Variants in SCN8A observed in about 807,000 individuals in gnomAD.
SCN8A encodes sodium channel protein type 8 subunit alpha.
A neutral mutation model predicts 184.1 loss-of-function variants in SCN8A; 30 were observed. The observed-to-expected ratio is 0.16, with a 90% CI of 0.12 to 0.22. The LOEUF (loss-of-function observed/expected upper bound fraction) is 0.22, where lower values mean the gene tolerates loss of function less well. SCN8A is among the 10% of genes least tolerant of loss of function. The pLI is 1.00. For missense variants in SCN8A, 1,057 were observed against 2,498.9 expected (o/e 0.42, Z 12.30); for synonymous variants, 852 against 907.0 (o/e 0.94, Z 1.09).
chr12:51,683,025 T>C (rs1941362081), intron 2 of SCN8A, among the ~76,000 whole-genome samples: 1 of 152,216 alleles, frequency 6.6e-6, no homozygotes, highest in Non-Finnish European at 1.5e-5. Context: ...TTCCAAATAT[T>C]AGTTACCTTC....
intron 6 of SCN8A, among the ~76,000 whole-genome samples, chr12:51,690,526 A>G (rs1941489130): frequency 6.6e-6 from 1 of 151,826 alleles, no homozygotes; most frequent in South Asian, 2.1e-4. Flanking sequence ...CTCATTTTTA[A>G]AAAAAAATTT....
intron 12 of SCN8A, among the ~76,000 whole-genome samples, chr12:51,727,768 A>T (rs2138793833): frequency 6.6e-6 from 1 of 152,084 alleles, no homozygotes; most frequent in Non-Finnish European, 1.5e-5. Context: ...TTTGAGACCA[A>T]CCTGACCAAC....
chr12:51,774,359 G>T lies in SCN8A; in HGVS notation c.3816G>T (p.Val1272=), dbSNP rs779722195. 1.2e-6 allele frequency: 2 copies of T among 1,603,340 alleles called. No individual in the cohort carries two copies. The highest frequency in any genetic ancestry group is 4.5e-5 in the East Asian group (2 of 44,640). The change falls in exon 20 of 27, where the codon GTG becomes GTT. Residue 1272 remains valine, a synonymous_variant. Transcript: ENST00000627620. ...GGTGTTGGCTGGACTTCCTCATTGT[G>T]GCTGTAGGTGTCTTGCTTTCTGTTT... ...NAWCWLDFLI[V]AVSLVSLIAN...
Position 51,700,150 on chromosome 12 carries a change from A to G in SCN8A, c.928+359A>G, listed in dbSNP as rs942255895. On this transcript the variant is annotated intron_variant, in intron 7 of 26. Coordinates refer to ENST00000627620, the MANE Select transcript of SCN8A (RefSeq NM_001330260.2). ...CATTGTACTCCAGCCTGGGTGGGCA[A>G]CAAGAACAAAACTCCATCTCAAAAA... Among the ~76,000 whole-genome samples, 12 of 151,316 alleles carry G rather than the reference A, an allele frequency of 7.9e-5. No homozygotes were observed. The East Asian group carries it at 1.4e-3, about 17-fold the overall frequency.
chr12:51,749,794 T>C (rs1258133723), intron 13 of SCN8A, among the ~76,000 whole-genome samples: 1 of 152,144 alleles, frequency 6.6e-6, no homozygotes, highest in Non-Finnish European at 1.5e-5. Flanking sequence ...AAGGCAGCCA[T>C]CTTGGTTTTG....
intron 24 of SCN8A, 134 bp from the exon 25 acceptor site, chr12:51,790,264 C>T (rs188579010): frequency 1.1e-4 from 62 of 570,552 alleles, no homozygotes; most frequent in African/African-American, 1.1e-3. Context: ...GGGTCTACCC[C>T]ACTCTGGGAC....
At chr12:51,712,846 C>T (rs956920528) in intron 11 of SCN8A, 22 of 1,338,730 alleles carry the variant, frequency 1.6e-5, no homozygotes, top group Middle Eastern at 1.8e-4. Context: ...TCTGCTGCCA[C>T]CACCTCCACC....
Position 51,780,686 on chromosome 12 carries a change from A to G in SCN8A, c.3857A>G (p.Tyr1286Cys). The G allele has an allele frequency of 6.3e-7, 1 of 1,589,480 alleles. No individual in the cohort carries two copies. Among genetic ancestry groups the G allele is most frequent in the Non-Finnish European group, 8.5e-7 (1 of 1,170,400 alleles). Residue 1286 changes from tyrosine (Y) to cysteine (C), a missense_variant, in exon 21 of 27, where the codon TAC becomes TGC. Transcript: ENST00000627620. ...AGCCTTATAGCTAATGCCCTGGGCTACTCGGAACTAGGTGCCATAAAGTCC... is the reference window on the plus strand; with the variant it reads ...AGCCTTATAGCTAATGCCCTGGGCTGCTCGGAACTAGGTGCCATAAAGTCC... ...LVSLIANALG[Y>C]SELGAIKSLR...
chr12:51,782,903 A>G (rs889721746), intron 21 of SCN8A, among the ~76,000 whole-genome samples: 4 of 152,276 alleles, frequency 2.6e-5, no homozygotes, highest in Admixed American at 2.0e-4. Context: ...GAGGTCCCGA[A>G]TGAATAATCA....
In SCN8A at chr12:51,714,018, G is replaced by A. The variant is rs903298422; in HGVS notation, c.1635+7303G>A. Reference sequence around the variant, plus strand: ...ACATTTCTGCAAATCTCTTTAATCTGTAATGTAATAGAAAACAGTTGAAAT... The same window carrying A: ...ACATTTCTGCAAATCTCTTTAATCTATAATGTAATAGAAAACAGTTGAAAT... On this transcript the variant is annotated intron_variant, in intron 11 of 26. Transcript: ENST00000627620. Among the ~76,000 whole-genome samples, 54 of 150,750 alleles carry A rather than the reference G, an allele frequency of 3.6e-4. 1 individual carries two copies. Among genetic ancestry groups the A allele is most frequent in the African/African-American group, 1.3e-3 (54 of 41,006 alleles).
chr12:51,687,674 G>T (rs149410752), intron 5 of SCN8A, among the ~76,000 whole-genome samples: 32 of 152,260 alleles, frequency 2.1e-4, no homozygotes, highest in African/African-American at 7.5e-4. Context: ...ACATTTTAGA[G>T]TCAAAACATG....
At chr12:51,742,993 G>A (rs2138823199) in intron 12 of SCN8A, among the ~76,000 whole-genome samples, 1 of 152,160 alleles carries the variant, frequency 6.6e-6, no homozygotes, top group South Asian at 2.1e-4. Flanking sequence ...CTTATTAAGA[G>A]ACTCTAATGC....
At chr12:51,593,798 ACT>A (rs373283269) in intron 1 of SCN8A, among the ~76,000 whole-genome samples, 277 of 151,820 alleles carry the variant, frequency 1.8e-3, no homozygotes, top group African/African-American at 6.2e-3. Flanking sequence ...CTCCCACATA[ACT>A]CTTCATTTTG....
chr12:51,714,007 C>G lies in SCN8A; in HGVS notation c.1635+7292C>G, dbSNP rs866099025. 1.9e-4 allele frequency among the ~76,000 whole-genome samples: 28 copies of G among 151,152 alleles called. No homozygotes were observed. The South Asian group carries it at 2.5e-3, about 14-fold the overall frequency. On this transcript the variant is annotated intron_variant, in intron 11 of 26. Transcript: ENST00000627620. ...TTTTTTGTATTACATTTCTGCAAAT[C>G]TCTTTAATCTGTAATGTAATAGAAA...
chr12:51,594,360 A>G (rs547221827), intron 1 of SCN8A, among the ~76,000 whole-genome samples: 20 of 152,196 alleles, frequency 1.3e-4, no homozygotes, highest in Non-Finnish European at 2.6e-4. Flanking sequence ...TTCCAAGAAA[A>G]GATTGAGAAC....
intron 2 of SCN8A, among the ~76,000 whole-genome samples, chr12:51,670,232 A>T (rs1941107878): frequency 6.6e-6 from 1 of 152,186 alleles, no homozygotes; most frequent in South Asian, 2.1e-4. Flanking sequence ...GCATTCCTAA[A>T]TCAGATTTCT....
intron 1 of SCN8A, among the ~76,000 whole-genome samples, chr12:51,606,903 T>TA (rs915526907): frequency 5.3e-5 from 8 of 151,316 alleles, no homozygotes; most frequent in Non-Finnish European, 1.2e-4. Context: ...TTTATTTATT[T>TA]ATTTTTTTTT....
At chr12:51,713,082 A>G in intron 11 of SCN8A, 1 of 1,375,530 alleles carries the variant, frequency 7.3e-7, no homozygotes, top group Non-Finnish European at 1.0e-6. Flanking sequence ...TATCATGATC[A>G]TCAAAAGTTA....
chr12:51,747,387 A>G (rs950404682), intron 13 of SCN8A, among the ~76,000 whole-genome samples: 6 of 152,138 alleles, frequency 3.9e-5, no homozygotes, highest in Non-Finnish European at 7.4e-5. Flanking sequence ...TTGTGGGCAA[A>G]TAACTGCAGG....
Sources: allele counts gnomAD v4.1 joint callset (sites outside exome capture counted in the v4.1 genomes callset), GRCh38; gene constraint gnomAD v4.1.1; transcripts MANE v1.5; gene names NCBI Gene and HGNC (gene_info 2026-07-23, HGNC 2026-07-21).